The following EXT2 variants were observed in gnomAD, a reference collection of about 807,000 sequenced individuals.
EXT2 encodes the protein exostosin glycosyltransferase 2.
In EXT2, 53 loss-of-function variants were observed where a neutral mutation model predicts 81.6. That is an observed-to-expected ratio of 0.65 (90% CI 0.52 to 0.82). The LOEUF (loss-of-function observed/expected upper bound fraction) is 0.82. Ranked by LOEUF, EXT2 falls within the 40% of genes least tolerant of loss-of-function variation. EXT2 has a pLI of 0.00. For synonymous variants in EXT2, 320 were observed against 340.0 expected (o/e 0.94, Z 0.65); for missense variants, 774 against 910.2 (o/e 0.85, Z 1.93).
chr11:44,199,317 A>G (rs1351181516), intron 9 of EXT2, among the ~76,000 whole-genome samples: 1 of 149,980 alleles, frequency 6.7e-6, no homozygotes, highest in African/African-American at 2.5e-5. Context: ...CTATGTAAAG[A>G]AGGAAATTGT....
intron 10 of EXT2, among the ~76,000 whole-genome samples, chr11:44,218,548 G>T (rs757193439): frequency 1.3e-5 from 2 of 152,154 alleles, no homozygotes; most frequent in Non-Finnish European, 2.9e-5. Context: ...AGGTTGCAGA[G>T]ACTGGAGATT....
At position 44,108,000 on chromosome 11, in the gene EXT2, T is replaced by A; in HGVS notation, c.288T>A (p.Cys96Ter). 6.2e-7 allele frequency: 1 copy of A among 1,614,228 alleles called. No individual in the cohort carries two copies. Among genetic ancestry groups the A allele is most frequent in the Non-Finnish European group, 8.5e-7 (1 of 1,180,036 alleles). ...RMHTCFDVYR[C>*]GFNPKNKIKV... Reference sequence around the variant, plus strand: ...ACACGTGTTTTGATGTCTATCGCTGTGGCTTCAACCCAAAGAACAAAATCA... The same window carrying A: ...ACACGTGTTTTGATGTCTATCGCTGAGGCTTCAACCCAAAGAACAAAATCA... The change falls in exon 2 of 14, where the codon TGT becomes TGA. Residue 96 changes from cysteine to a stop codon, truncating the protein, a stop_gained. Coordinates refer to ENST00000533608, the MANE Select transcript of EXT2 (RefSeq NM_207122.2). LOFTEE classifies it high-confidence loss of function.
chr11:44,175,457 T>A (rs544782048), intron 8 of EXT2, among the ~76,000 whole-genome samples: 17 of 152,034 alleles, frequency 1.1e-4, no homozygotes, highest in African/African-American at 4.1e-4. Context: ...CAATCCTTCC[T>A]CTGTGTGCCC....
rs753083913 is a variant in EXT2, at chr11:44,130,115, C to G, written c.1150C>G (p.Gln384Glu). ...TATTTTGCAGAGCATCCCCCAAAGA[C>G]AGATTGAAGAAATGCAGAGACAGGT... is the stretch of plus-strand genomic sequence containing the variant. Reference protein sequence around the residue: ...YSILQSIPQRQIEEMQRQARW... With the variant: ...YSILQSIPQREIEEMQRQARW... The change falls in exon 7 of 14, where the codon CAG (glutamine) becomes GAG (glutamate). Residue 384 changes from glutamine (Q) to glutamate (E), a missense_variant. This residue lies in a region of EXT2 where 626 missense variants were observed against 670.5 expected (regional missense o/e 0.93). Coordinates refer to ENST00000533608, the MANE Select transcript of EXT2 (RefSeq NM_207122.2). The G allele has an allele frequency of 2.5e-6, 4 of 1,613,922 alleles. No individual in the cohort carries two copies. Among genetic ancestry groups the G allele is most frequent in the African/African-American group, 1.3e-5 (1 of 74,890 alleles).
At chr11:44,178,796 T>C (rs1004625451) in intron 8 of EXT2, among the ~76,000 whole-genome samples, 1 of 97,278 alleles carries the variant, frequency 1.0e-5, no homozygotes, top group Non-Finnish European at 2.4e-5. Context: ...TGCCTAGATA[T>C]GATTAAAAAA....
chr11:44,226,635 T>C (rs1955840866), intron 10 of EXT2, among the ~76,000 whole-genome samples: 1 of 152,272 alleles, frequency 6.6e-6, no homozygotes, highest in Non-Finnish European at 1.5e-5. Context: ...GAGTGAATCC[T>C]ATAACTGGCT....
intron 8 of EXT2, among the ~76,000 whole-genome samples, chr11:44,185,296 T>C (rs1955295408): frequency 6.6e-6 from 1 of 152,240 alleles, no homozygotes; most frequent in South Asian, 2.1e-4. Context: ...CAGCTTTCAT[T>C]TGCAGTTTTT....
intron 4 of EXT2, among the ~76,000 whole-genome samples, chr11:44,115,173 T>G (rs964601606): frequency 2.0e-5 from 3 of 152,178 alleles, no homozygotes; most frequent in Non-Finnish European, 4.4e-5. Context: ...TGTTTGGATT[T>G]TGGATTTTGT....
intron 7 of EXT2, among the ~76,000 whole-genome samples, chr11:44,135,287 T>C (rs1251663755): frequency 6.6e-6 from 1 of 152,180 alleles, no homozygotes; most frequent in Admixed American, 6.5e-5. Flanking sequence ...ATAGCCGTAG[T>C]AGTTTGGAAG....
chr11:44,201,103 A>G (rs1307812721), intron 9 of EXT2, among the ~76,000 whole-genome samples: 2 of 152,126 alleles, frequency 1.3e-5, no homozygotes, highest in Non-Finnish European at 1.5e-5. Flanking sequence ...TGACATTTCT[A>G]TTTCGTCTGT....
intron 8 of EXT2, among the ~76,000 whole-genome samples, chr11:44,192,239 A>G (rs1170200447): frequency 6.6e-6 from 1 of 151,650 alleles, no homozygotes; most frequent in African/African-American, 2.4e-5. Context: ...TTCTTCTTAA[A>G]GGCACTGCTC....
At chr11:44,135,331 G>C in intron 7 of EXT2, among the ~76,000 whole-genome samples, 1 of 152,026 alleles carries the variant, frequency 6.6e-6, no homozygotes, top group East Asian at 1.9e-4. Context: ...ACTACTAACA[G>C]TGAAGGTATC....
chr11:44,111,414 T>C (rs1259417287), intron 3 of EXT2, among the ~76,000 whole-genome samples: 1 of 152,218 alleles, frequency 6.6e-6, no homozygotes, highest in Non-Finnish European at 1.5e-5. Context: ...GTTTTTCTAG[T>C]CTTTTTTCTA....
At position 44,247,701 on chromosome 11, in the gene EXT2, C is replaced by G. The variant is rs552739814; in HGVS notation, c.*3414C>G. 8.5e-4 allele frequency among the ~76,000 whole-genome samples: 129 copies of G among 152,344 alleles called. 5 individuals carry two copies. In the South Asian group the frequency reaches 0.026, roughly 31 times the overall value. Reference sequence around the variant, plus strand: ...CCTTTGGAAAATAGTGACCATCATGCTGGTCTGTGCTGACGCAGACTGGGA... The same window carrying G: ...CCTTTGGAAAATAGTGACCATCATGGTGGTCTGTGCTGACGCAGACTGGGA... On this transcript the variant is annotated 3_prime_UTR_variant, in exon 14 of 14. Transcript: ENST00000533608.
At chr11:44,141,811 T>C (rs1305437442) in intron 7 of EXT2, among the ~76,000 whole-genome samples, 11 of 152,202 alleles carry the variant, frequency 7.2e-5, no homozygotes, top group African/African-American at 2.7e-4. Flanking sequence ...ATTTGCAGCC[T>C]ATGTAAGAAA....
At chr11:44,143,133 G>T (rs1954668120) in intron 7 of EXT2, among the ~76,000 whole-genome samples, 1 of 152,108 alleles carries the variant, frequency 6.6e-6, no homozygotes, top group Admixed American at 6.5e-5. Context: ...TGTATTTTTA[G>T]TAGAGACAGG....
intron 8 of EXT2, among the ~76,000 whole-genome samples, chr11:44,176,853 C>T (rs1955164981): frequency 6.7e-6 from 1 of 148,958 alleles, no homozygotes; most frequent in African/African-American, 2.5e-5. Flanking sequence ...AGAGCTTGCT[C>T]AGACTGGAGA....
intron 2 of EXT2, among the ~76,000 whole-genome samples, chr11:44,108,977 A>G (rs1313459765): frequency 6.6e-6 from 1 of 152,152 alleles, no homozygotes; most frequent in Non-Finnish European, 1.5e-5. Context: ...GCAGGTCTGT[A>G]TGGGACAAGC....
intron 7 of EXT2, among the ~76,000 whole-genome samples, chr11:44,148,656 A>G (rs1016103972): frequency 2.0e-5 from 3 of 152,238 alleles, no homozygotes; most frequent in African/African-American, 4.8e-5. Context: ...CGCCCAATAC[A>G]TAATAACTGC....
Sources: allele counts gnomAD v4.1 joint callset (sites outside exome capture counted in the v4.1 genomes callset), GRCh38; gene constraint gnomAD v4.1.1; regional missense constraint gnomAD v4.1.1; transcripts MANE v1.5; gene names NCBI Gene and HGNC (gene_info 2026-07-23, HGNC 2026-07-21).